PRKCH: variants seen among roughly 807,000 people sequenced by gnomAD.
PRKCH encodes the protein protein kinase C eta, also known as protein kinase C eta type.
In PRKCH, 28 loss-of-function variants were observed where a neutral mutation model predicts 82.5. That is an observed-to-expected ratio of 0.34 (90% CI 0.25 to 0.47). The LOEUF is 0.47. PRKCH is among the 20% of genes least tolerant of loss of function. The pLI is 1.00. For synonymous variants in PRKCH, 322 were observed against 327.4 expected, an observed-to-expected ratio of 0.98 and a Z score of 0.18; for missense variants, 705 against 881.8, an observed-to-expected ratio of 0.80 and a Z score of 2.54.
intron 10 of PRKCH, among the ~76,000 whole-genome samples, chr14:61,513,007 C>T (rs914964990): frequency 1.3e-5 from 2 of 152,110 alleles, no homozygotes; most frequent in Admixed American, 1.3e-4. Flanking sequence ...TTTATAGAGA[C>T]AGGGTCTCAC....
intron 1 of PRKCH, among the ~76,000 whole-genome samples, chr14:61,271,301 T>G (rs1013450392): frequency 2.0e-5 from 3 of 152,192 alleles, no homozygotes; most frequent in Non-Finnish European, 2.9e-5. Context: ...GTTCCATTGG[T>G]CTACTTGCCT....
chr14:61,529,161 A>G lies in PRKCH; in HGVS notation c.1520A>G (p.Asn507Ser), dbSNP rs778159411. 1.9e-5 allele frequency: 31 copies of G among 1,614,028 alleles called. No homozygotes were observed. The highest frequency in any genetic ancestry group is 1.1e-4 in the East Asian group (5 of 44,862). The change falls in exon 11 of 14, where the codon AAT (asparagine) becomes AGT (serine). Residue 507 changes from asparagine (N) to serine (S), a missense_variant. Physicochemically the swap from Asn to Ser is conservative, Grantham distance 46. Transcript: ENST00000332981. Reference sequence around the variant, plus strand: ...GGAATGTGCAAGGAGGGGATTTGCAATGGTGTCACCACGGCCACATTCTGT... The same window carrying G: ...GGAATGTGCAAGGAGGGGATTTGCAGTGGTGTCACCACGGCCACATTCTGT... ...DFGMCKEGIC[N>S]GVTTATFCGT...
rs1476293025 is a variant in PRKCH at position 61,329,234 on chromosome 14, C to CTTTTTTTCTTTTTTTTTTTTTTTTT, written c.363+6777_363+6778insCTTTTTTTTTTTTTTTTTTTTTTTT. ...ACTGCTCTTAGATAAACTCCTGAGTCTTTTTTTTTTTTTTTTTTTTGAGAC... is the reference window on the plus strand; with the variant it reads ...ACTGCTCTTAGATAAACTCCTGAGTCTTTTTTTCTTTTTTTTTTTTTTTTTTTTTTTTTTTTTTTTTTTTTGAGAC... On this transcript the variant is annotated intron_variant, in intron 1 of 13. Transcript: ENST00000332981. 3.2e-5 allele frequency among the ~76,000 whole-genome samples: 2 copies of CTTTTTTTCTTTTTTTTTTTTTTTTT among 63,462 alleles called. 1 individual carries two copies. Among genetic ancestry groups the CTTTTTTTCTTTTTTTTTTTTTTTTT allele is most frequent in the African/African-American group, 1.4e-4 (2 of 14,768 alleles). 41.6% of individuals were successfully genotyped at this position (63,462 alleles called of 152,430 possible).
At chr14:61,344,778 C>T (rs957229390) in intron 1 of PRKCH, among the ~76,000 whole-genome samples, 33 of 152,076 alleles carry the variant, frequency 2.2e-4, no homozygotes, top group African/African-American at 6.3e-4. Flanking sequence ...AAGTTCCTCC[C>T]GCCTGCCTAT....
At chr14:61,465,956 C>A (rs778750503) in intron 9 of PRKCH, among the ~76,000 whole-genome samples, 1 of 152,082 alleles carries the variant, frequency 6.6e-6, no homozygotes, top group Non-Finnish European at 1.5e-5. Context: ...AGACACTGAG[C>A]AGTTAAGTCA....
chr14:61,237,712 C>A lies in PRKCH; in HGVS notation c.-19+50044C>A, dbSNP rs954990790. On this transcript the variant is annotated intron_variant, in intron 1 of 3. Coordinates refer to the PRKCH transcript ENST00000555185. ...TGGAACTTTCTCCCCCAACCCTTAC[C>A]TCCAGTTGTCCCCCTTTTCCTGACC... 4.9e-4 allele frequency among the ~76,000 whole-genome samples: 74 copies of A among 152,310 alleles called. 1 individual carries two copies. Among genetic ancestry groups the A allele is most frequent in the Non-Finnish European group, 2.2e-4 (15 of 68,018 alleles).
rs546677454 is a variant in PRKCH at position 61,312,646 on chromosome 14, G to C, written c.-19+124978G>C. Reference sequence around the variant, plus strand: ...TGGCAGAAGGTGAAGGAGGAGCAAAGGCACGTCTTACATTATAGCAGGCAA... The same window carrying C: ...TGGCAGAAGGTGAAGGAGGAGCAAACGCACGTCTTACATTATAGCAGGCAA... On this transcript the variant is annotated intron_variant, in intron 1 of 3. Coordinates refer to the PRKCH transcript ENST00000555185. Among the ~76,000 whole-genome samples, 139 of 152,260 alleles carry C rather than the reference G, an allele frequency of 9.1e-4. 4 individuals are homozygous for C. The South Asian group carries it at 0.028, about 31-fold the overall frequency.
chr14:61,461,481 C>T (rs1312090252), intron 9 of PRKCH, among the ~76,000 whole-genome samples: 1 of 152,146 alleles, frequency 6.6e-6, no homozygotes, highest in African/African-American at 2.4e-5. Flanking sequence ...AGATCTTCTT[C>T]CTAGGGCCTG....
At chr14:61,411,368 T>C (rs1452079516) in intron 2 of PRKCH, among the ~76,000 whole-genome samples, 1 of 152,232 alleles carries the variant, frequency 6.6e-6, no homozygotes, top group Admixed American at 6.5e-5. Context: ...CACAGATGTA[T>C]TTATTAGGCC....
At chr14:61,243,132 C>T (rs1215683346) in intron 1 of PRKCH, among the ~76,000 whole-genome samples, 1 of 152,040 alleles carries the variant, frequency 6.6e-6, no homozygotes, top group South Asian at 2.1e-4. Context: ...GCACAGTTCA[C>T]GCCTGTAATC....
chr14:61,525,680 C>T (rs2139999845), intron 10 of PRKCH: 1 of 152,238 alleles, frequency 6.6e-6, no homozygotes, highest in Admixed American at 6.5e-5. Flanking sequence ...AACTGCGGGT[C>T]AACGCTTGAG....
chr14:61,245,113 T>C (rs906980222), intron 1 of PRKCH, among the ~76,000 whole-genome samples: 1 of 152,232 alleles, frequency 6.6e-6, no homozygotes, highest in African/African-American at 2.4e-5. Context: ...CTAAGTTACA[T>C]GCTTAGACAA....
At chr14:61,218,359 A>T (rs1248189902) in intron 1 of PRKCH, among the ~76,000 whole-genome samples, 1 of 152,210 alleles carries the variant, frequency 6.6e-6, no homozygotes, top group Admixed American at 6.5e-5. Context: ...GAAAGCAAAC[A>T]AGAAACGGAA....
chr14:61,505,408 T>C (rs1336913352), intron 10 of PRKCH, among the ~76,000 whole-genome samples: 6 of 128,298 alleles, frequency 4.7e-5, no homozygotes, highest in South Asian at 5.8e-4. Context: ...TTTTTTTTTT[T>C]TTTTTTTTTT....
chr14:61,535,754 G>A (rs1487710545), intron 12 of PRKCH, among the ~76,000 whole-genome samples: 1 of 152,250 alleles, frequency 6.6e-6, no homozygotes, highest in Non-Finnish European at 1.5e-5. Context: ...TGTATAAGGA[G>A]TGGACCAACA....
intron 1 of PRKCH, among the ~76,000 whole-genome samples, chr14:61,247,755 A>AAAAAAAAAAAAG (rs1555371277): frequency 6.7e-6 from 1 of 149,342 alleles, no homozygotes; most frequent in Non-Finnish European, 1.5e-5. Context: ...AAAAAAAAAA[A>AAAAAAAAAAAAG]AAAGAAAGAA....
intron 10 of PRKCH, among the ~76,000 whole-genome samples, chr14:61,526,285 G>A (rs1407621794): frequency 2.6e-5 from 4 of 152,200 alleles, no homozygotes. Flanking sequence ...CTGGGTTTGG[G>A]TTAGAGACAC....
At chr14:61,214,180 A>T (rs1486330161) in intron 1 of PRKCH, among the ~76,000 whole-genome samples, 1 of 152,140 alleles carries the variant, frequency 6.6e-6, no homozygotes, top group African/African-American at 2.4e-5. Flanking sequence ...ATGTCTGTTT[A>T]ACCATCGTAT....
intron 10 of PRKCH, among the ~76,000 whole-genome samples, chr14:61,502,111 C>T (rs11624895): frequency 0.1 from 13,749 of 132,934 alleles, 824 homozygotes; most frequent in South Asian, 0.2. Flanking sequence ...CTCACTCAGG[C>T]AGGAGTGCAA....
Sources: gnomAD v4.1 joint callset for allele counts (sites outside exome capture counted in the v4.1 genomes callset) on GRCh38, gnomAD v4.1.1 for gene constraint, MANE v1.5 for transcripts, NCBI Gene and HGNC (gene_info 2026-07-23, HGNC 2026-07-21) for gene names.